SGCZ: variants seen among roughly 807,000 people sequenced by gnomAD.
The protein encoded by SGCZ is sarcoglycan zeta.
In SGCZ, 40 loss-of-function variants were observed where a neutral mutation model predicts 41.3. The observed-to-expected ratio is 0.97, with a 90% CI of 0.75 to 1.26. The LOEUF (loss-of-function observed/expected upper bound fraction) is 1.26, where lower values mean the gene tolerates loss of function less well. Among genes scored for constraint, SGCZ ranks in the 50% most tolerant of loss-of-function variants. The pLI is 0.00. For synonymous variants in SGCZ, 206 were observed against 137.5 expected (o/e 1.50, Z -3.49); for missense variants, 552 against 369.8 (o/e 1.49, Z -4.04).
At chr8:14,596,258 G>A (rs1210624469) in intron 1 of SGCZ, among the ~76,000 whole-genome samples, 2 of 152,108 alleles carry the variant, frequency 1.3e-5, no homozygotes, top group Non-Finnish European at 2.9e-5. Flanking sequence ...ATTAGGTTAT[G>A]GCAAAACTAG....
Position 14,633,710 on chromosome 8 carries a change from T to C in SGCZ, c.40-78784A>G, listed in dbSNP as rs577635128. On this transcript the variant is annotated intron_variant, in intron 1 of 7. Coordinates refer to ENST00000382080, the MANE Select transcript of SGCZ (RefSeq NM_139167.4). ...AGATTAGCTTTATTTTATTTTGATC[T>C]CTTAATTCAACAAGTTTAGCCTCCA... 1.3e-4 allele frequency among the ~76,000 whole-genome samples: 20 copies of C among 151,964 alleles called. 1 individual carries two copies. In the South Asian group the frequency reaches 3.9e-3, roughly 30 times the overall value.
At chr8:15,016,435 G>A (rs1000505733) in intron 1 of SGCZ, among the ~76,000 whole-genome samples, 5 of 152,168 alleles carry the variant, frequency 3.3e-5, no homozygotes, top group Non-Finnish European at 7.4e-5. Context: ...GCTCTCTCCT[G>A]TTTGTAGCAT....
intron 4 of SGCZ, among the ~76,000 whole-genome samples, chr8:14,211,737 G>C (rs896607248): frequency 5.3e-5 from 8 of 152,042 alleles, no homozygotes; most frequent in Admixed American, 1.3e-4. Context: ...ACTATCACAA[G>C]AACAGCCGGG....
chr8:14,613,080 C>T (rs915271293), intron 1 of SGCZ, among the ~76,000 whole-genome samples: 2 of 152,180 alleles, frequency 1.3e-5, no homozygotes, highest in Non-Finnish European at 2.9e-5. Context: ...AGGCTGCACC[C>T]TGTGCCCTGC....
At chr8:14,766,032 G>C (rs1397166009) in intron 1 of SGCZ, among the ~76,000 whole-genome samples, 1 of 149,258 alleles carries the variant, frequency 6.7e-6, no homozygotes, top group Non-Finnish European at 1.5e-5. Flanking sequence ...GCATGATCTC[G>C]GCTCACTGCA....
At position 14,102,436 on chromosome 8, in the gene SGCZ, A is replaced by T; in HGVS notation, c.684T>A (p.Ala228=). 2 of 1,538,412 alleles carry T rather than the reference A, an allele frequency of 1.3e-6. No homozygotes were observed. The highest frequency in any genetic ancestry group is 1.8e-6 in the Non-Finnish European group (2 of 1,132,002). ...TGCAGGTGGCCTTGAAGTCTCCTGC[A>T]GCAGCACTCACCTGGACCCCACGGG... ...EAPRGVQVSA[A]AGDFKATCRK... is the part of the protein sequence containing the mutation. The change falls in exon 7 of 8, where the codon GCT becomes GCA. Residue 228 remains alanine (A), a synonymous_variant. Coordinates refer to ENST00000382080, the MANE Select transcript of SGCZ (RefSeq NM_139167.4).
intron 1 of SGCZ, among the ~76,000 whole-genome samples, chr8:15,174,544 A>C (rs1254687805): frequency 6.6e-6 from 1 of 152,202 alleles, no homozygotes; most frequent in African/African-American, 2.4e-5. Context: ...TATAAAAACA[A>C]AGACACATAA....
chr8:14,789,371 G>A (rs1311211066), intron 1 of SGCZ, among the ~76,000 whole-genome samples: 1 of 152,110 alleles, frequency 6.6e-6, no homozygotes, highest in Non-Finnish European at 1.5e-5. Context: ...ACTCTACACA[G>A]GCACATGTCT....
At chr8:14,696,963 TA>T (rs35323308) in intron 1 of SGCZ, among the ~76,000 whole-genome samples, 55,188 of 150,794 alleles carry the variant, frequency 0.37, 12,355 homozygotes, top group African/African-American at 0.63. Flanking sequence ...TTGATAAAGT[TA>T]AAAAAAAACA....
At chr8:14,457,541 C>A (rs532148586) in intron 2 of SGCZ, among the ~76,000 whole-genome samples, 1 of 152,310 alleles carries the variant, frequency 6.6e-6, no homozygotes, top group East Asian at 1.9e-4. Context: ...GAGGCCTAAC[C>A]GTCTCCCTGT....
At chr8:14,676,377 G>C (rs1159083342) in intron 1 of SGCZ, among the ~76,000 whole-genome samples, 1 of 96,670 alleles carries the variant, frequency 1.0e-5, no homozygotes, top group African/African-American at 3.4e-5. Flanking sequence ...TGTATCTCCA[G>C]CCCTGATGGC....
rs79275610 is a variant in SGCZ, at chr8:14,269,701, C to T, written c.337-32022G>A. On this transcript the variant is annotated intron_variant, in intron 3 of 7. Transcript: ENST00000382080. The stretch of plus-strand genomic sequence containing the variant: ...AATTCTGGAGGACAAAATGCTATGA[C>T]ATGATGCTGTCAACTTCACCATCCC... Among the ~76,000 whole-genome samples, 1,386 of 152,200 alleles carry T rather than the reference C, an allele frequency of 9.1e-3. 25 individuals carry two copies. Among genetic ancestry groups the T allele is most frequent in the African/African-American group, 0.031 (1,304 of 41,522 alleles).
chr8:14,518,894 C>CA (rs370947291), intron 2 of SGCZ, among the ~76,000 whole-genome samples: 26,222 of 128,134 alleles, frequency 0.2, 2,836 homozygotes, highest in Admixed American at 0.24. Context: ...CCATCTCTAC[C>CA]AAAAAAAAAA....
chr8:14,200,996 T>C (rs559917542), intron 4 of SGCZ, among the ~76,000 whole-genome samples: 26 of 152,160 alleles, frequency 1.7e-4, no homozygotes, highest in South Asian at 4.1e-4. Context: ...AGATATTGCA[T>C]TAAAAGAAGG....
At chr8:14,214,720 A>G (rs1319138293) in intron 4 of SGCZ, among the ~76,000 whole-genome samples, 1 of 152,104 alleles carries the variant, frequency 6.6e-6, no homozygotes, top group Non-Finnish European at 1.5e-5. Flanking sequence ...AAGCAGGAAT[A>G]TCTATGAGTA....
chr8:14,738,806 A>T (rs542151674), intron 1 of SGCZ, among the ~76,000 whole-genome samples: 1 of 152,188 alleles, frequency 6.6e-6, no homozygotes, highest in East Asian at 1.9e-4. Context: ...TGTTCCTGTG[A>T]GTCTGAAAAT....
At chr8:14,576,212 G>C (rs1242255034) in intron 1 of SGCZ, among the ~76,000 whole-genome samples, 7 of 152,154 alleles carry the variant, frequency 4.6e-5, no homozygotes, top group Admixed American at 2.6e-4. Context: ...TTTGTGGTGT[G>C]CTGTCTATGT....
chr8:14,299,350 C>G (rs1352565363), intron 3 of SGCZ, among the ~76,000 whole-genome samples: 2 of 151,882 alleles, frequency 1.3e-5, no homozygotes, highest in African/African-American at 4.8e-5. Context: ...CAAAAACAAA[C>G]ATTATTAGAT....
At chr8:14,844,815 G>A (rs2130636466) in intron 1 of SGCZ, among the ~76,000 whole-genome samples, 1 of 152,272 alleles carries the variant, frequency 6.6e-6, no homozygotes, top group African/African-American at 2.4e-5. Flanking sequence ...TTCAACATTT[G>A]GGACATTAGG....
Sources: allele counts gnomAD v4.1 joint callset (sites outside exome capture counted in the v4.1 genomes callset), GRCh38; gene constraint gnomAD v4.1.1; transcripts MANE v1.5; gene names NCBI Gene and HGNC (gene_info 2026-07-23, HGNC 2026-07-21).